Variants in MEGF9 observed in about 807,000 individuals in gnomAD.
MEGF9 encodes multiple EGF like domains 9, also known as multiple epidermal growth factor-like domains protein 9.
In MEGF9, 6 loss-of-function variants were observed where a neutral mutation model predicts 46.8. The ratio of observed to expected loss-of-function variants is 0.13; its 90% CI spans 0.07 to 0.25. MEGF9 has a LOEUF of 0.25. Ranked by LOEUF, MEGF9 falls within the 10% of genes least tolerant of loss-of-function variation. The probability of loss-of-function intolerance (pLI) is 1.00; values close to 1 mark genes in which losing one functional copy is unlikely to be tolerated. For missense variants in MEGF9, 683 were observed against 792.4 expected, an observed-to-expected ratio of 0.86 and a Z score of 1.66; for synonymous variants, 302 against 330.7, an observed-to-expected ratio of 0.91 and a Z score of 0.94.
chr9:120,616,936 A>T (rs775985721), intron 3 of MEGF9, among the ~76,000 whole-genome samples: 1 of 152,180 alleles, frequency 6.6e-6, no homozygotes, highest in Non-Finnish European at 1.5e-5. Flanking sequence ...AAATTTTAAA[A>T]GCTGAACTAG....
At chr9:120,636,755 G>A (rs569480026) in intron 2 of MEGF9, among the ~76,000 whole-genome samples, 113 of 151,980 alleles carry the variant, frequency 7.4e-4, no homozygotes, top group African/African-American at 2.7e-3. Flanking sequence ...GCCTCCGCCC[G>A]GCCGCCCCAT....
intron 2 of MEGF9, among the ~76,000 whole-genome samples, chr9:120,637,876 A>G (rs552074830): frequency 3.3e-5 from 5 of 150,814 alleles, no homozygotes; most frequent in East Asian, 3.9e-4. Context: ...AAGAAAATGT[A>G]GAGACAAAAT....
chr9:120,680,420 T>A (rs1181467686), intron 1 of MEGF9, among the ~76,000 whole-genome samples: 2 of 152,142 alleles, frequency 1.3e-5, no homozygotes, highest in Admixed American at 6.5e-5. Flanking sequence ...AGATCTGGAA[T>A]TCTGTGGATT....
intron 1 of MEGF9, among the ~76,000 whole-genome samples, chr9:120,706,107 G>A (rs979179749): frequency 1.3e-5 from 2 of 152,072 alleles, no homozygotes; most frequent in Non-Finnish European, 2.9e-5. Flanking sequence ...AAACAGCACT[G>A]CAATACTTTT....
chr9:120,676,803 C>T (rs927024829), intron 1 of MEGF9, among the ~76,000 whole-genome samples: 4 of 152,152 alleles, frequency 2.6e-5, no homozygotes, highest in East Asian at 1.9e-4. Context: ...AACTATGTCT[C>T]GGACTTTGTT....
At chr9:120,692,333 T>C (rs1415758507) in intron 1 of MEGF9, among the ~76,000 whole-genome samples, 1 of 152,172 alleles carries the variant, frequency 6.6e-6, no homozygotes, top group African/African-American at 2.4e-5. Context: ...TAAAATAGGT[T>C]TCAAATGTTT....
chr9:120,698,951 T>C (rs888221857), intron 1 of MEGF9, among the ~76,000 whole-genome samples: 3 of 152,136 alleles, frequency 2.0e-5, no homozygotes, highest in Admixed American at 1.3e-4. Flanking sequence ...CATCACAGTA[T>C]TGAAAAATAC....
chr9:120,646,126 A>G lies in MEGF9; in HGVS notation c.803+13248T>C, dbSNP rs77562649. Among the ~76,000 whole-genome samples, 16 of 152,266 alleles carry G rather than the reference A, an allele frequency of 1.1e-4. No homozygotes were observed. In the East Asian group the frequency reaches 2.3e-3, roughly 22 times the overall value. ...TTTCCACAGAATTATGCACAGAAAC[A>G]TGGCTGTCATGGCGTATCACCCTTC... On this transcript the variant is annotated intron_variant, in intron 2 of 5. Coordinates refer to ENST00000373930, the MANE Select transcript of MEGF9 (RefSeq NM_001080497.3).
chr9:120,624,872 CAAAAAAAAAAA>C (rs35120272), intron 2 of MEGF9, among the ~76,000 whole-genome samples: 14 of 104,094 alleles, frequency 1.3e-4, no homozygotes, highest in Non-Finnish European at 2.9e-4. Context: ...GACTCCGTCT[CAAAAAAAAAAA>C]AAAAAAAAAT....
intron 1 of MEGF9, among the ~76,000 whole-genome samples, chr9:120,675,365 C>T (rs1228457854): frequency 1.3e-5 from 2 of 152,062 alleles, no homozygotes; most frequent in African/African-American, 4.8e-5. Flanking sequence ...GCAGGAGGAT[C>T]CCTTGAGCCC....
intron 1 of MEGF9, among the ~76,000 whole-genome samples, chr9:120,704,025 T>C (rs902910866): frequency 6.7e-6 from 1 of 149,006 alleles, no homozygotes; most frequent in African/African-American, 2.5e-5. Context: ...AAGAAGTAAA[T>C]ATTTCAATAC....
intron 1 of MEGF9, among the ~76,000 whole-genome samples, chr9:120,696,363 G>C (rs564129696): frequency 6.6e-6 from 1 of 152,288 alleles, no homozygotes; most frequent in South Asian, 2.1e-4. Context: ...AAGCTAAACA[G>C]ATCTGAATTT....
chr9:120,683,854 A>G (rs986756310), intron 1 of MEGF9, among the ~76,000 whole-genome samples: 4 of 152,096 alleles, frequency 2.6e-5, no homozygotes, highest in Admixed American at 2.0e-4. Context: ...TGATCATATC[A>G]CTGCACTCCA....
chr9:120,643,322 G>A (rs1224300917), intron 2 of MEGF9, among the ~76,000 whole-genome samples: 1 of 152,112 alleles, frequency 6.6e-6, no homozygotes, highest in Non-Finnish European at 1.5e-5. Flanking sequence ...GGAACAAGAG[G>A]CCTTCTATTT....
rs1159859275 is a variant in MEGF9 at position 120,634,877 on chromosome 9, T to C, written c.804-12122A>G. 2.6e-5 allele frequency among the ~76,000 whole-genome samples: 4 copies of C among 152,208 alleles called. No individual in the cohort carries two copies. In the East Asian group the frequency reaches 7.7e-4, roughly 29 times the overall value. ...GAAGTGATAAGGTTTGATTCTCTTCTCTTTCTCCTTTGTCCATCTTTTCTA... is the reference window on the plus strand; with the variant it reads ...GAAGTGATAAGGTTTGATTCTCTTCCCTTTCTCCTTTGTCCATCTTTTCTA... On this transcript the variant is annotated intron_variant, in intron 2 of 5. Transcript: ENST00000373930.
intron 1 of MEGF9, among the ~76,000 whole-genome samples, chr9:120,692,040 T>G (rs1176473021): frequency 6.6e-6 from 1 of 152,178 alleles, no homozygotes; most frequent in Non-Finnish European, 1.5e-5. Flanking sequence ...CATCCATATT[T>G]AAGTTTAAGG....
At chr9:120,611,865 A>AGAGAGAGAGAGAGAGAG (rs572613293) in intron 4 of MEGF9, among the ~76,000 whole-genome samples, 11 of 137,148 alleles carry the variant, frequency 8.0e-5, no homozygotes, top group African/African-American at 3.0e-4. Context: ...GGAAGGAAGA[A>AGAGAGAGAGAGAGAGAG]AGAGAGAGAG....
At chr9:120,671,497 C>T (rs1386688600) in intron 1 of MEGF9, among the ~76,000 whole-genome samples, 1 of 151,774 alleles carries the variant, frequency 6.6e-6, no homozygotes, top group African/African-American at 2.4e-5. Flanking sequence ...ATGCATAACT[C>T]TATGCACATA....
At chr9:120,668,175 T>C (rs1329366204) in intron 1 of MEGF9, among the ~76,000 whole-genome samples, 1 of 152,196 alleles carries the variant, frequency 6.6e-6, no homozygotes, top group Non-Finnish European at 1.5e-5. Context: ...CAGAAAAGCC[T>C]CATTGTAGGG....
Sources: gnomAD v4.1 joint callset for allele counts (sites outside exome capture counted in the v4.1 genomes callset) on GRCh38, gnomAD v4.1.1 for gene constraint, MANE v1.5 for transcripts, NCBI Gene and HGNC (gene_info 2026-07-23, HGNC 2026-07-21) for gene names.